MPP7: variants seen among roughly 807,000 people sequenced by gnomAD.
MPP7 encodes MAGUK p55 subfamily member 7.
In MPP7, 60 loss-of-function variants were observed where a neutral mutation model predicts 76.5. The observed-to-expected ratio is 0.78, with a 90% CI of 0.64 to 0.97. MPP7 has a LOEUF of 0.97. Among genes scored for constraint, MPP7 ranks in the 50% least tolerant of loss-of-function variants. The probability of loss-of-function intolerance (pLI) is 0.00; values close to 1 mark genes in which losing one functional copy is unlikely to be tolerated. For synonymous variants in MPP7, 237 were observed against 244.5 expected, an observed-to-expected ratio of 0.97 and a Z score of 0.29; for missense variants, 641 against 694.0, an observed-to-expected ratio of 0.92 and a Z score of 0.86.
chr10:28,238,520 G>GA (rs1388142799), intron 2 of MPP7, 48 bp downstream of exon 2: 10 of 1,598,764 alleles, frequency 6.3e-6, no homozygotes, highest in African/African-American at 1.3e-5. Flanking sequence ...CTGTGAACAA[G>GA]ATTTAAGCAA....
At chr10:28,324,847 C>T (rs940807166) in intron 2 of MPP7, among the ~76,000 whole-genome samples, 2 of 152,046 alleles carry the variant, frequency 1.3e-5, no homozygotes, top group African/African-American at 4.8e-5. Flanking sequence ...AGTTATTAGC[C>T]CCTTTTTAAC....
intron 2 of MPP7, among the ~76,000 whole-genome samples, chr10:28,327,231 T>TAAAAAAAAAAAAAAAAAAAAAA: frequency 1.0e-5 from 1 of 95,752 alleles, no homozygotes; most frequent in Non-Finnish European, 2.2e-5. Flanking sequence ...GTCAAAGAAG[T>TAAAAAAAAAAAAAAAAAAAAAA]AAAAAAAAAA....
chr10:28,289,598 C>CTA (rs1840865585), intron 1 of MPP7, among the ~76,000 whole-genome samples: 1 of 152,156 alleles, frequency 6.6e-6, no homozygotes, highest in South Asian at 2.1e-4. Flanking sequence ...AATACAGTGT[C>CTA]TAAGGTGAGT....
chr10:28,275,683 A>C (rs926580222), intron 1 of MPP7, among the ~76,000 whole-genome samples: 4 of 152,036 alleles, frequency 2.6e-5, no homozygotes, highest in Non-Finnish European at 5.9e-5. Context: ...CTGGGAGTAC[A>C]GGCTTGAGCC....
intron 1 of MPP7, among the ~76,000 whole-genome samples, chr10:28,258,236 C>A (rs773773998): frequency 1.1e-4 from 16 of 149,416 alleles, no homozygotes; most frequent in Admixed American, 2.0e-4. Context: ...CAAGGTGAGA[C>A]CACCAAGAAG....
chr10:28,207,426 G>A (rs1001303835), intron 2 of MPP7, among the ~76,000 whole-genome samples: 2 of 152,140 alleles, frequency 1.3e-5, no homozygotes, highest in Admixed American at 6.6e-5. Flanking sequence ...GCTGGGCACA[G>A]TGGCTCACTC....
At chr10:28,265,732 T>C (rs1423486676) in intron 1 of MPP7, among the ~76,000 whole-genome samples, 1 of 152,222 alleles carries the variant, frequency 6.6e-6, no homozygotes, top group African/African-American at 2.4e-5. Context: ...TTTAACTTTA[T>C]CGAGTTAATA....
At chr10:28,158,675 T>C (rs145421015) in intron 3 of MPP7, among the ~76,000 whole-genome samples, 1 of 152,132 alleles carries the variant, frequency 6.6e-6, no homozygotes, top group African/African-American at 2.4e-5. Flanking sequence ...AAATGATGCA[T>C]GAGTTACCTA....
chr10:28,222,619 C>T (rs1457174798), intron 2 of MPP7, among the ~76,000 whole-genome samples: 1 of 152,102 alleles, frequency 6.6e-6, no homozygotes, highest in East Asian at 1.9e-4. Context: ...TTCAAGAGGC[C>T]GAGGCAGGCG....
At chr10:28,288,183 A>G (rs1330797945) in intron 1 of MPP7, among the ~76,000 whole-genome samples, 1 of 152,206 alleles carries the variant, frequency 6.6e-6, no homozygotes, top group Non-Finnish European at 1.5e-5. Flanking sequence ...ATCTTTGTAA[A>G]GGTATTTTTC....
At chr10:28,258,403 TATA>T (rs1413722797) in intron 1 of MPP7, among the ~76,000 whole-genome samples, 1 of 146,538 alleles carries the variant, frequency 6.8e-6, no homozygotes, top group Non-Finnish European at 1.5e-5. Flanking sequence ...TATATATATA[TATA>T]AATTTTTTTT....
intron 1 of MPP7, among the ~76,000 whole-genome samples, chr10:28,284,760 T>A (rs1266427791): frequency 1.3e-5 from 2 of 152,234 alleles, no homozygotes; most frequent in Non-Finnish European, 2.9e-5. Flanking sequence ...TCACTTACTC[T>A]ATTATGAACC....
chr10:28,198,359 T>G (rs1342089574), intron 3 of MPP7, among the ~76,000 whole-genome samples: 2 of 152,102 alleles, frequency 1.3e-5, no homozygotes, highest in African/African-American at 4.8e-5. Flanking sequence ...GGTGGATCCC[T>G]TAGGTCAGGA....
chr10:28,260,413 G>C (rs902854918), intron 1 of MPP7, among the ~76,000 whole-genome samples: 2 of 152,024 alleles, frequency 1.3e-5, no homozygotes, highest in Non-Finnish European at 2.9e-5. Flanking sequence ...TCAATCACTT[G>C]TCAAGATAAA....
At chr10:28,270,520 T>TA (rs1208377769) in intron 1 of MPP7, among the ~76,000 whole-genome samples, 3,311 of 59,804 alleles carry the variant, frequency 0.055, 308 homozygotes, top group East Asian at 0.17. Flanking sequence ...ACTATCTCTT[T>TA]AAAAAAAAAA....
At chr10:28,285,501 A>G (rs893085080) in intron 1 of MPP7, among the ~76,000 whole-genome samples, 4 of 152,196 alleles carry the variant, frequency 2.6e-5, no homozygotes, top group African/African-American at 4.8e-5. Flanking sequence ...CCTTTTCTGT[A>G]CTAACTAGAT....
chr10:28,319,410 C>T (rs1164659444), intron 2 of MPP7, among the ~76,000 whole-genome samples: 1 of 152,162 alleles, frequency 6.6e-6, no homozygotes, highest in Non-Finnish European at 1.5e-5. Flanking sequence ...GGCATGGTGA[C>T]TCACATCTGT....
intron 3 of MPP7, among the ~76,000 whole-genome samples, chr10:28,159,629 A>G (rs1836189919): frequency 6.6e-6 from 1 of 152,146 alleles, no homozygotes; most frequent in Admixed American, 6.5e-5. Flanking sequence ...TTGCAGTTGG[A>G]AGAGAGAGGA....
chr10:28,261,377 T>C (rs1839944003), intron 1 of MPP7, among the ~76,000 whole-genome samples: 1 of 152,174 alleles, frequency 6.6e-6, no homozygotes, highest in African/African-American at 2.4e-5. Context: ...CAGTGCTTTT[T>C]ATATTGAAAT....
Sources: allele counts gnomAD v4.1 joint callset (sites outside exome capture counted in the v4.1 genomes callset), GRCh38; gene constraint gnomAD v4.1.1; transcripts MANE v1.5; gene names NCBI Gene and HGNC (gene_info 2026-07-23, HGNC 2026-07-21).